Variants in SRGAP2 observed in about 807,000 individuals in gnomAD.
The protein encoded by SRGAP2 is SLIT-ROBO Rho GTPase-activating protein 2.
A neutral mutation model predicts 57.2 loss-of-function variants in SRGAP2; 15 were observed. The observed-to-expected ratio is 0.26, with a 90% confidence interval of 0.18 to 0.40. The LOEUF (loss-of-function observed/expected upper bound fraction) is 0.40. SRGAP2 is among the 10% of genes least tolerant of loss of function. The probability of loss-of-function intolerance (pLI) is 1.00; values close to 1 mark genes in which losing one functional copy is unlikely to be tolerated. For synonymous variants in SRGAP2, 249 were observed against 248.0 expected, an observed-to-expected ratio of 1.00 and a Z score of -0.04; for missense variants, 520 against 669.6, an observed-to-expected ratio of 0.78 and a Z score of 2.47.
chr1:206,311,536 G>A (rs868908754), intron 3 of SRGAP2, among the ~76,000 whole-genome samples: 1 of 152,214 alleles, frequency 6.6e-6, no homozygotes, highest in Non-Finnish European at 1.5e-5. Context: ...AGATAGAGCA[G>A]TATTAGAAAA....
chr1:206,454,685 A>T lies in SRGAP2; in HGVS notation c.2361-193A>T, dbSNP rs1300503279. 1 of 559,518 alleles carries T rather than the reference A, an allele frequency of 1.8e-6. No homozygotes were observed. The highest frequency in any genetic ancestry group is 3.1e-6 in the Non-Finnish European group (1 of 318,630). 34.7% of individuals were successfully genotyped at this position (559,518 alleles called of 1,614,324 possible). Reference sequence around the variant, plus strand: ...AGAACTCAGCGGATTATTTATTTTTATTTAAACGACCCTTCAAAGGCCCTT... The same window carrying T: ...AGAACTCAGCGGATTATTTATTTTTTTTTAAACGACCCTTCAAAGGCCCTT... On this transcript the variant is annotated intron_variant, in intron 20 of 22. Coordinates refer to ENST00000573034, the MANE Select transcript of SRGAP2 (RefSeq NM_015326.5). This position sits in a 1 kb window ranked among gnomAD's most constrained non-coding sequence, Gnocchi z 4.3.
intron 4 of SRGAP2, among the ~76,000 whole-genome samples, chr1:206,364,766 G>A (rs1185264878): frequency 6.6e-6 from 1 of 151,814 alleles, no homozygotes; most frequent in Non-Finnish European, 1.5e-5. Flanking sequence ...TATAGGATGT[G>A]AGCAAATGAG....
rs937040513 is a variant in SRGAP2, at chr1:206,458,841, C to T, written c.2726C>T (p.Ser909Phe). 2.6e-6 allele frequency: 2 copies of T among 780,642 alleles called. No individual in the cohort carries two copies. The highest frequency in any genetic ancestry group is 1.7e-5 in the African/African-American group (1 of 59,128). The allele number at this position is 780,642 out of a possible 1,614,324, so 48.4% of individuals were successfully genotyped here. A position where few individuals can be genotyped will look rare whatever the true frequency, so the allele number is the denominator to read the frequency against. The change falls in exon 22 of 23, where the codon TCC (serine) becomes TTC (phenylalanine). Residue 909 changes from serine (S) to phenylalanine (F), a missense_variant. Physicochemically the swap from Ser to Phe is radical, Grantham distance 155. Transcript: ENST00000573034. ...GSLNSISRHS[S>F]LKNRLDSPQI... Reference sequence around the variant, plus strand: ...CTCAACTCCATCAGCCGCCACTCATCCCTGAAGAATCGGCTGGATAGTCCA... The same window carrying T: ...CTCAACTCCATCAGCCGCCACTCATTCCTGAAGAATCGGCTGGATAGTCCA...
chr1:206,291,419 C>T (rs1671312970), intron 2 of SRGAP2, among the ~76,000 whole-genome samples: 2 of 152,128 alleles, frequency 1.3e-5, no homozygotes, highest in African/African-American at 2.4e-5. Flanking sequence ...TTCTTCATAA[C>T]AATCCAGTGG....
chr1:206,419,225 GTCTCTCTCTC>G (rs371788234), intron 11 of SRGAP2, 138 bp from the exon 12 acceptor site: 1 of 590,070 alleles, frequency 1.7e-6, no homozygotes, highest in African/African-American at 1.9e-5. Flanking sequence ...GTCTCTCTCT[GTCTCTCTCTC>G]TCTCTCCTCT....
chr1:206,369,249 A>G (rs1484343601), intron 4 of SRGAP2, among the ~76,000 whole-genome samples: 1 of 152,238 alleles, frequency 6.6e-6, no homozygotes, highest in Non-Finnish European at 1.5e-5. Flanking sequence ...AAAAAAAATT[A>G]ACTCAAAATG....
At chr1:206,439,258 G>A (rs1662054421) in intron 16 of SRGAP2, among the ~76,000 whole-genome samples, 1 of 152,124 alleles carries the variant, frequency 6.6e-6, no homozygotes, top group Non-Finnish European at 1.5e-5. Flanking sequence ...TATGATGGAG[G>A]ACCTGTAATT....
In SRGAP2 at chr1:206,454,178, C is replaced by G. The variant is rs1318382846; in HGVS notation, c.2361-700C>G. On this transcript the variant is annotated intron_variant, in intron 20 of 22. Coordinates refer to ENST00000573034, the MANE Select transcript of SRGAP2 (RefSeq NM_015326.5). This position sits in a 1 kb window ranked among gnomAD's most constrained non-coding sequence, Gnocchi z 4.3. ...CTGAGTGAGTCTGCACCCTCCCAGC[C>G]TCTTCCCGGCTCGTTCTGCAGGGAA... 4.3e-6 allele frequency: 3 copies of G among 702,438 alleles called. No homozygotes were observed. In the East Asian group the frequency reaches 8.0e-5, roughly 19 times the overall value. 43.5% of individuals were successfully genotyped at this position (702,438 alleles called of 1,614,324 possible).
At chr1:206,275,836 C>T (rs1485080269) in intron 2 of SRGAP2, among the ~76,000 whole-genome samples, 7 of 152,046 alleles carry the variant, frequency 4.6e-5, no homozygotes, top group African/African-American at 1.7e-4. Flanking sequence ...AGGATGGTCT[C>T]GATCTCTTGA....
intron 2 of SRGAP2, among the ~76,000 whole-genome samples, chr1:206,290,503 G>C (rs1295939186): frequency 6.6e-6 from 1 of 151,604 alleles, no homozygotes; most frequent in Non-Finnish European, 1.5e-5. Context: ...TTGGCCCGGC[G>C]TGGTGGCAGG....
intron 4 of SRGAP2, among the ~76,000 whole-genome samples, chr1:206,347,181 A>G (rs1675688718): frequency 6.7e-6 from 1 of 149,778 alleles, no homozygotes; most frequent in Admixed American, 6.6e-5. Flanking sequence ...GAGCCCAGAA[A>G]TTTGAGGCTG....
At chr1:206,314,116 T>TTG (rs1553325249) in intron 3 of SRGAP2, among the ~76,000 whole-genome samples, 20 of 149,230 alleles carry the variant, frequency 1.3e-4, no homozygotes, top group South Asian at 8.4e-4. Context: ...TTTTTTTTTT[T>TTG]TTGTTGTTGT....
chr1:206,449,476 G>T (rs2103376655), intron 18 of SRGAP2, among the ~76,000 whole-genome samples: 1 of 147,336 alleles, frequency 6.8e-6, no homozygotes, highest in Middle Eastern at 3.4e-3. Context: ...TTTTTGTAGA[G>T]ACAGGGTCTC....
rs564237703 is a variant in SRGAP2, at chr1:206,446,177, C to T, written c.1977C>T (p.Ser659=). The change falls in exon 18 of 23, where the codon TCC becomes TCT. Residue 659 remains serine, a synonymous_variant. Transcript: ENST00000573034. The part of the protein sequence containing the change: ...MSVPEGHDQV[S]CQAHVNELIK... ...TGCCAGAGGGCCACGACCAGGTGTC[C>T]TGCCAAGCCCACGTGAATGAGCTGA... 2.6e-6 allele frequency: 2 copies of T among 780,968 alleles called. No individual in the cohort carries two copies. Among genetic ancestry groups the T allele is most frequent in the African/African-American group, 3.4e-5 (2 of 59,282 alleles). The allele number at this position is 780,968 out of a possible 1,614,324, so 48.4% of individuals were successfully genotyped here. A position where few individuals can be genotyped will look rare whatever the true frequency, so the allele number is the denominator to read the frequency against.
chr1:206,439,455 G>A (rs1443170775), intron 16 of SRGAP2, among the ~76,000 whole-genome samples: 1 of 152,018 alleles, frequency 6.6e-6, no homozygotes, highest in Non-Finnish European at 1.5e-5. Context: ...GGAGTGAGCA[G>A]GACAGGCCTC....
At chr1:206,260,694 C>T (rs1669495793) in intron 2 of SRGAP2, among the ~76,000 whole-genome samples, 1 of 152,170 alleles carries the variant, frequency 6.6e-6, no homozygotes, top group Non-Finnish European at 1.5e-5. Flanking sequence ...CATAGTATTC[C>T]ATTGTATGGA....
At chr1:206,324,757 A>C (rs1163442678) in intron 3 of SRGAP2, among the ~76,000 whole-genome samples, 5 of 152,164 alleles carry the variant, frequency 3.3e-5, no homozygotes, top group African/African-American at 1.2e-4. Context: ...TAGCTTTGGC[A>C]TTCCTAGTCA....
chr1:206,212,563 T>C (rs1666382718), intron 2 of SRGAP2, among the ~76,000 whole-genome samples: 1 of 15,910 alleles, frequency 6.3e-5, no homozygotes, highest in African/African-American at 2.8e-4. Flanking sequence ...TTTTAATAAT[T>C]ACATGAATTA....
chr1:206,290,641 CAAAAAA>C (rs1237811129), intron 2 of SRGAP2, among the ~76,000 whole-genome samples: 4 of 45,210 alleles, frequency 8.8e-5, no homozygotes, highest in African/African-American at 3.1e-4. Context: ...GACTCCATCT[CAAAAAA>C]AAAAAAAAAA....
Sources: allele counts gnomAD v4.1 joint callset (sites outside exome capture counted in the v4.1 genomes callset), GRCh38; gene constraint gnomAD v4.1.1; non-coding constraint Gnocchi (gnomAD v3.1); transcripts MANE v1.5; gene names NCBI Gene and HGNC (gene_info 2026-07-23, HGNC 2026-07-21).